FAM107A: variants seen among roughly 807,000 people sequenced by gnomAD.
The protein encoded by FAM107A is family with sequence similarity 107 member A.
FAM107A carries 19 observed loss-of-function variants against 13.7 expected under a neutral mutation model. The observed-to-expected ratio is 1.38, with a 90% CI of 0.97 to 2.03. The LOEUF (loss-of-function observed/expected upper bound fraction) is 2.03, where lower values mean the gene tolerates loss of function less well. Among genes scored for constraint, FAM107A ranks in the 30% most tolerant of loss-of-function variants. The pLI, the probability that FAM107A is intolerant of heterozygous loss-of-function variation, is 0.00. For synonymous variants in FAM107A, 82 were observed against 74.5 expected, an observed-to-expected ratio of 1.10 and a Z score of -0.52; for missense variants, 203 against 184.4, an observed-to-expected ratio of 1.10 and a Z score of -0.58.
intron 1 of FAM107A, among the ~76,000 whole-genome samples, chr3:58,624,053 G>C (rs532981298): frequency 6.6e-6 from 1 of 152,290 alleles, no homozygotes; most frequent in South Asian, 2.1e-4. Context: ...CTATGAACTG[G>C]CTGGTGTCTG....
intron 1 of FAM107A, among the ~76,000 whole-genome samples, chr3:58,593,478 C>T (rs911934572): frequency 6.6e-6 from 1 of 152,166 alleles, no homozygotes; most frequent in Non-Finnish European, 1.5e-5. Context: ...TAACTGATAT[C>T]TCCTGGTTTT....
upstream of FAM107A, among the ~76,000 whole-genome samples, chr3:58,581,915 G>A (rs937546003): frequency 6.6e-6 from 1 of 152,248 alleles, no homozygotes; most frequent in African/African-American, 2.4e-5. Flanking sequence ...CCCATCCCCA[G>A]TACATTTTAA....
chr3:58,594,545 T>C (rs138470076), intron 1 of FAM107A, among the ~76,000 whole-genome samples: 1 of 152,232 alleles, frequency 6.6e-6, no homozygotes, highest in African/African-American at 2.4e-5. Flanking sequence ...CAAGGTCTCT[T>C]CTTCCTCTGT....
At chr3:58,615,259 T>TC in intron 1 of FAM107A, among the ~76,000 whole-genome samples, 1 of 152,384 alleles carries the variant, frequency 6.6e-6, no homozygotes, top group South Asian at 2.1e-4. Flanking sequence ...TTTAATTTTT[T>TC]CATGACTTTT....
intron 1 of FAM107A, among the ~76,000 whole-genome samples, chr3:58,575,652 C>T (rs1399539629): frequency 6.6e-6 from 1 of 152,198 alleles, no homozygotes; most frequent in East Asian, 1.9e-4. Flanking sequence ...TGTCCCTTTT[C>T]TCTCTCTAGA....
chr3:58,602,077 C>T (rs2065757407), intron 1 of FAM107A, among the ~76,000 whole-genome samples: 2 of 152,098 alleles, frequency 1.3e-5, no homozygotes, highest in South Asian at 4.1e-4. Flanking sequence ...TGTGAAATAA[C>T]ACACCAGGAA....
At chr3:58,582,710 T>C (rs1179016673), upstream of FAM107A, among the ~76,000 whole-genome samples, 2 of 152,240 alleles carry the variant, frequency 1.3e-5, no homozygotes, top group African/African-American at 2.4e-5. Flanking sequence ...AGATATGTTC[T>C]GGAGAGCCCT....
intron 1 of FAM107A, among the ~76,000 whole-genome samples, chr3:58,622,456 C>A (rs991171884): frequency 1.8e-4 from 28 of 152,118 alleles, no homozygotes; most frequent in Admixed American, 1.7e-3. Flanking sequence ...TATGCCCCCC[C>A]CAAAAGAAAG....
Position 58,569,190 on chromosome 3 carries a change from C to T in FAM107A, c.170+501G>A, listed in dbSNP as rs765403636. Among the ~76,000 whole-genome samples, 2 of 152,228 alleles carry T rather than the reference C, an allele frequency of 1.3e-5. No homozygotes were observed. The highest frequency in any genetic ancestry group is 2.4e-5 in the African/African-American group (1 of 41,464). ...CCCTCTGCCATCCAGCACCCACCTC[C>T]GGCCTGGCTAACTCCAGTCCCCCTT... On this transcript the variant is annotated intron_variant, in intron 2 of 3. Transcript: ENST00000360997. This position sits in a 1 kb window ranked among gnomAD's most constrained non-coding sequence, Gnocchi z 5.7.
chr3:58,591,905 G>T (rs1174443848), upstream of FAM107A, among the ~76,000 whole-genome samples: 1 of 152,198 alleles, frequency 6.6e-6, no homozygotes, highest in Non-Finnish European at 1.5e-5. The surrounding 1 kb of genome is among the most constrained non-coding windows in gnomAD (Gnocchi z 4.3). Flanking sequence ...GTGAATGAGG[G>T]AATGCAGCCA....
At chr3:58,576,349 A>G (rs1227996015) in intron 1 of FAM107A, among the ~76,000 whole-genome samples, 1 of 152,250 alleles carries the variant, frequency 6.6e-6, no homozygotes, top group Non-Finnish European at 1.5e-5. Flanking sequence ...CCAGGGCTAG[A>G]CATGGAGGAT....
chr3:58,573,080 G>A (rs767173504), intron 1 of FAM107A, among the ~76,000 whole-genome samples: 3 of 152,176 alleles, frequency 2.0e-5, no homozygotes, highest in African/African-American at 7.2e-5. Flanking sequence ...GTGAGCTGTG[G>A]ATGATGGTAT....
rs1415188594 is a variant in FAM107A, at chr3:58,617,341, C to G, written c.-70+10075G>C. Among the ~76,000 whole-genome samples the G allele has an allele frequency of 1.3e-5, 2 of 152,106 alleles. No individual in the cohort carries two copies. The highest frequency in any genetic ancestry group is 4.8e-5 in the African/African-American group (2 of 41,420). ...AGGACAGACACTGCCCCATTTCTGG[C>G]TGAGCTCCTGCAGGTTCTAGGTGTG... On this transcript the variant is annotated intron_variant, in intron 1 of 3. Coordinates refer to the FAM107A transcript ENST00000465970. This position sits in a 1 kb window ranked among gnomAD's most constrained non-coding sequence, Gnocchi z 4.5.
At chr3:58,596,542 G>C (rs1294581098) in intron 1 of FAM107A, among the ~76,000 whole-genome samples, 1 of 152,108 alleles carries the variant, frequency 6.6e-6, no homozygotes, top group Non-Finnish European at 1.5e-5. Context: ...AGCCGGACCT[G>C]GTGATGGGTG....
chr3:58,599,763 G>T (rs1253826600), intron 1 of FAM107A, among the ~76,000 whole-genome samples: 3 of 127,652 alleles, frequency 2.4e-5, no homozygotes, highest in African/African-American at 8.9e-5. Context: ...TGTCACCTAG[G>T]CTGGAATGCT....
intron 1 of FAM107A, among the ~76,000 whole-genome samples, chr3:58,621,650 T>C (rs1031990238): frequency 2.0e-5 from 3 of 152,244 alleles, no homozygotes; most frequent in African/African-American, 7.2e-5. Flanking sequence ...GTGCTATTTT[T>C]ATCCCCATTT....
rs2063662528 is a variant in FAM107A at position 58,569,771 on chromosome 3, C to A, written c.90G>T (p.Lys30Asn). 1.2e-6 allele frequency: 2 copies of A among 1,614,106 alleles called. No individual in the cohort carries two copies. Among genetic ancestry groups the A allele is most frequent in the African/African-American group, 1.3e-5 (1 of 75,036 alleles). The change falls in exon 2 of 4, where the codon AAG (lysine) becomes AAT (asparagine). Residue 30 changes from lysine to asparagine, a missense_variant. Coordinates refer to ENST00000360997, the MANE Select transcript of FAM107A (RefSeq NM_001076778.3). The surrounding 1 kb of genome is among the most constrained non-coding windows in gnomAD (Gnocchi z 5.7). ...EYREWNPELIKPKKLLNPVKA... is the reference protein window; with the variant it reads ...EYREWNPELINPKKLLNPVKA... ...TCACGGGGTTCAGCAGCTTCTTGGGCTTGATGAGCTCCGGATTCCACTCTC... is the reference window on the plus strand; with the variant it reads ...TCACGGGGTTCAGCAGCTTCTTGGGATTGATGAGCTCCGGATTCCACTCTC...
intron 1 of FAM107A, among the ~76,000 whole-genome samples, chr3:58,575,210 T>C (rs1392010527): frequency 2.0e-5 from 3 of 152,204 alleles, no homozygotes; most frequent in Non-Finnish European, 4.4e-5. Context: ...TGGGTTTGAT[T>C]CATGGTGGCA....
chr3:58,566,908 C>T (rs973695324), intron 3 of FAM107A: 10 of 607,332 alleles, frequency 1.6e-5, no homozygotes, highest in African/African-American at 1.1e-4. Context: ...CTCTGGGCCT[C>T]AGCTTCCCCA....
Sources: gnomAD v4.1 joint callset for allele counts (sites outside exome capture counted in the v4.1 genomes callset) on GRCh38, gnomAD v4.1.1 for gene constraint, Gnocchi (gnomAD v3.1) non-coding constraint, MANE v1.5 for transcripts, NCBI Gene and HGNC (gene_info 2026-07-23, HGNC 2026-07-21) for gene names.